Variants in ZNF423 observed in about 807,000 individuals in gnomAD.
ZNF423 encodes Ebf-associated zinc finger protein.
ZNF423 carries 12 observed loss-of-function variants against 95.8 expected under a neutral mutation model. The ratio of observed to expected loss-of-function variants is 0.13; its 90% CI spans 0.08 to 0.20. The LOEUF is 0.20. ZNF423 is among the 10% of genes least tolerant of loss of function. ZNF423 has a pLI of 1.00. For synonymous variants in ZNF423, 749 were observed against 711.9 expected (o/e 1.05, Z -0.83); for missense variants, 1,316 against 1,737.1 (o/e 0.76, Z 4.31).
At chr16:49,697,453 A>G (rs918314665) in intron 3 of ZNF423, among the ~76,000 whole-genome samples, 1 of 152,050 alleles carries the variant, frequency 6.6e-6, no homozygotes, top group African/African-American at 2.4e-5. Context: ...CAAGCCAAGC[A>G]CCAGGTAGAA....
intron 2 of ZNF423, among the ~76,000 whole-genome samples, chr16:49,775,476 A>G (rs2034105729): frequency 1.3e-5 from 2 of 152,098 alleles, no homozygotes; most frequent in African/African-American, 4.8e-5. Context: ...AGTAATCATC[A>G]CAGTTAGCAC....
chr16:49,695,641 G>A (rs536927055), intron 3 of ZNF423, among the ~76,000 whole-genome samples: 1 of 152,296 alleles, frequency 6.6e-6, no homozygotes, highest in African/African-American at 2.4e-5. Context: ...TGGCCAAGCT[G>A]GTATCCAACT....
At chr16:49,786,138 C>T (rs2034308140) in intron 2 of ZNF423, among the ~76,000 whole-genome samples, 1 of 152,228 alleles carries the variant, frequency 6.6e-6, no homozygotes, top group South Asian at 2.1e-4. Flanking sequence ...CACTCCGCTC[C>T]CCACGCCCCC....
chr16:49,525,086 G>A (rs1968549074), intron 6 of ZNF423, among the ~76,000 whole-genome samples: 1 of 152,232 alleles, frequency 6.6e-6, no homozygotes, highest in Non-Finnish European at 1.5e-5. Context: ...TGGACAAAGG[G>A]CTTCTAGCTC....
At chr16:49,504,418 C>A (rs1448481891) in intron 7 of ZNF423, among the ~76,000 whole-genome samples, 2 of 152,122 alleles carry the variant, frequency 1.3e-5, no homozygotes, top group Non-Finnish European at 2.9e-5. Flanking sequence ...CCCATCTCTA[C>A]CAAAAATGCA....
chr16:49,655,706 G>A (rs1001648447), intron 3 of ZNF423, among the ~76,000 whole-genome samples: 1 of 152,164 alleles, frequency 6.6e-6, no homozygotes, highest in Non-Finnish European at 1.5e-5. Context: ...GTGTGAAAGA[G>A]CCAAGGTGTT....
chr16:49,581,336 C>T (rs1970669040), intron 5 of ZNF423, among the ~76,000 whole-genome samples: 1 of 152,210 alleles, frequency 6.6e-6, no homozygotes, highest in South Asian at 2.1e-4. Context: ...CTGAGATGCG[C>T]AGCCCCATCG....
At chr16:49,499,085 C>T (rs566188685) in intron 7 of ZNF423, among the ~76,000 whole-genome samples, 1 of 152,212 alleles carries the variant, frequency 6.6e-6, no homozygotes, top group Non-Finnish European at 1.5e-5. Context: ...TGACCCCCAC[C>T]CAGCAAGCCG....
intron 5 of ZNF423, among the ~76,000 whole-genome samples, chr16:49,578,220 T>C (rs1280014857): frequency 6.6e-6 from 1 of 152,160 alleles, no homozygotes; most frequent in East Asian, 1.9e-4. Context: ...AGGGACCCCC[T>C]TCAGCAACAA....
intron 3 of ZNF423, among the ~76,000 whole-genome samples, chr16:49,700,914 G>A (rs1297540022): frequency 6.6e-6 from 1 of 152,062 alleles, no homozygotes; most frequent in East Asian, 1.9e-4. Flanking sequence ...AAAGGAGGAG[G>A]GAGGAGGGAA....
chr16:49,681,466 G>A (rs948735312), intron 3 of ZNF423, among the ~76,000 whole-genome samples: 9 of 152,212 alleles, frequency 5.9e-5, no homozygotes, highest in Admixed American at 2.6e-4. Flanking sequence ...TCACATCAGC[G>A]ACAGGCTTTA....
chr16:49,631,070 A>G (rs1199999739), intron 4 of ZNF423, among the ~76,000 whole-genome samples: 1 of 152,122 alleles, frequency 6.6e-6, no homozygotes, highest in Non-Finnish European at 1.5e-5. Flanking sequence ...TGCAACCCCC[A>G]GAGAAGCAGG....
chr16:49,853,382 T>C (rs756883455), intron 1 of ZNF423, among the ~76,000 whole-genome samples: 81 of 152,094 alleles, frequency 5.3e-4, no homozygotes, highest in Non-Finnish European at 9.6e-4. Flanking sequence ...TCTCTCTTAA[T>C]TCCTCCCTTG....
chr16:49,639,799 C>T (rs527446939), intron 3 of ZNF423, among the ~76,000 whole-genome samples: 1 of 152,322 alleles, frequency 6.6e-6, no homozygotes, highest in South Asian at 2.1e-4. Flanking sequence ...GGGGACAGCC[C>T]CCACAACCCC....
chr16:49,581,289 G>T (rs988804324), intron 5 of ZNF423, among the ~76,000 whole-genome samples: 1 of 152,210 alleles, frequency 6.6e-6, no homozygotes, highest in Non-Finnish European at 1.5e-5. Context: ...AAACAATTAT[G>T]TGCTATCCGA....
intron 3 of ZNF423, among the ~76,000 whole-genome samples, chr16:49,714,972 C>T (rs965350935): frequency 2.6e-5 from 4 of 151,992 alleles, no homozygotes; most frequent in African/African-American, 7.3e-5. Context: ...TTTCCAGTCC[C>T]GAGGAGACGG....
intron 3 of ZNF423, among the ~76,000 whole-genome samples, chr16:49,722,171 C>T (rs1382237329): frequency 2.0e-5 from 3 of 152,162 alleles, no homozygotes; most frequent in Non-Finnish European, 2.9e-5. Flanking sequence ...GATGGTTCCC[C>T]ATCAGAAGCC....
At position 49,490,046 on chromosome 16, in the gene ZNF423, T is replaced by G. The variant is rs940782449; in HGVS notation, c.*1229A>C. The G allele has an allele frequency of 6.6e-6, 1 of 152,280 alleles. No homozygotes were observed. Among genetic ancestry groups the G allele is most frequent in the African/African-American group, 2.4e-5 (1 of 41,452 alleles). The allele number at this position is 152,280 out of a possible 1,614,324, so 9.4% of individuals were successfully genotyped here. A position where few individuals can be genotyped will look rare whatever the true frequency, so the allele number is the denominator to read the frequency against. On this transcript the variant is annotated 3_prime_UTR_variant, in exon 8 of 8. Transcript: ENST00000563137. ...TACCCCAGGCCCCTGCCTGCCTCACTCCAGACCTGGCCCCCGCCACCAGTC... is the reference window on the plus strand; with the variant it reads ...TACCCCAGGCCCCTGCCTGCCTCACGCCAGACCTGGCCCCCGCCACCAGTC...
At chr16:49,787,014 T>C (rs1203989367) in intron 2 of ZNF423, among the ~76,000 whole-genome samples, 1 of 152,114 alleles carries the variant, frequency 6.6e-6, no homozygotes, top group Non-Finnish European at 1.5e-5. Flanking sequence ...GAGCTGCTGC[T>C]GGAAGTGGCA....
Sources: allele counts gnomAD v4.1 joint callset (sites outside exome capture counted in the v4.1 genomes callset), GRCh38; gene constraint gnomAD v4.1.1; transcripts MANE v1.5; gene names NCBI Gene and HGNC (gene_info 2026-07-23, HGNC 2026-07-21).